PDZK1: variants seen among roughly 807,000 people sequenced by gnomAD.
The protein encoded by PDZK1 is PDZ domain containing 1, also known as Na(+)/H(+) exchange regulatory cofactor NHE-RF3.
A neutral mutation model predicts 38.1 loss-of-function variants in PDZK1; 23 were observed. The observed-to-expected ratio is 0.60, with a 90% confidence interval of 0.43 to 0.85. PDZK1 has a LOEUF of 0.85. PDZK1 is among the 40% of genes least tolerant of loss of function. The pLI, the probability that PDZK1 is intolerant of heterozygous loss-of-function variation, is 0.00. For synonymous variants in PDZK1, 98 were observed against 186.2 expected, an observed-to-expected ratio of 0.53 and a Z score of 3.86; for missense variants, 297 against 504.3, an observed-to-expected ratio of 0.59 and a Z score of 3.94.
chr1:145,680,686 A>G (rs1654157397), intron 5 of PDZK1, among the ~76,000 whole-genome samples: 1 of 143,256 alleles, frequency 7.0e-6, no homozygotes, highest in Admixed American at 7.4e-5. Context: ...CTAACTTACC[A>G]GGATACCGTT....
intron 1 of PDZK1, among the ~76,000 whole-genome samples, chr1:145,705,009 C>A (rs1326855454): frequency 1.3e-5 from 2 of 152,182 alleles, no homozygotes; most frequent in African/African-American, 4.8e-5. Context: ...GCTCAAGGGG[C>A]TGGTAATACA....
chr1:145,695,377 GTGCAC>G (rs1214402419), intron 1 of PDZK1, among the ~76,000 whole-genome samples: 1 of 152,008 alleles, frequency 6.6e-6, no homozygotes, highest in Non-Finnish European at 1.5e-5. Context: ...AGCCGAGACA[GTGCAC>G]TGAACTCCAG....
chr1:145,703,668 G>C (rs1553705298), intron 1 of PDZK1, among the ~76,000 whole-genome samples: 1 of 152,074 alleles, frequency 6.6e-6, no homozygotes, highest in African/African-American at 2.4e-5. Context: ...AGAAGGAACA[G>C]CAGGAGATGC....
intron 4 of PDZK1, among the ~76,000 whole-genome samples, chr1:145,681,953 T>A (rs1553700461): frequency 1.3e-5 from 1 of 74,916 alleles, no homozygotes; most frequent in African/African-American, 6.6e-5. Flanking sequence ...GCAGATCACT[T>A]GAGCTCAGGA....
intron 1 of PDZK1, among the ~76,000 whole-genome samples, chr1:145,697,442 AAAG>A (rs1655691673): frequency 6.6e-6 from 1 of 152,200 alleles, no homozygotes; most frequent in Admixed American, 6.5e-5. Flanking sequence ...ATCAAAACTA[AAAG>A]AAGAATTTTA....
Position 145,687,795 on chromosome 1 carries a change from C to T in PDZK1, c.210+17G>A, listed in dbSNP as rs373616461. On this transcript the variant is annotated intron_variant, in intron 2 of 8. Coordinates refer to ENST00000417171, the MANE Select transcript of PDZK1 (RefSeq NM_001201325.2). ...CTGAAGAGATCCTGGAAGAAAAGCC[C>T]CAAATGTCTCATTCACCTGCATATG... The T allele has an allele frequency of 1.5e-5, 24 of 1,591,916 alleles. 2 individuals carry two copies. Among genetic ancestry groups the T allele is most frequent in the South Asian group, 8.8e-5 (8 of 90,620 alleles).
At chr1:145,699,286 T>A (rs918224202) in intron 1 of PDZK1, among the ~76,000 whole-genome samples, 1 of 152,046 alleles carries the variant, frequency 6.6e-6, no homozygotes, top group Non-Finnish European at 1.5e-5. Flanking sequence ...GGCGTGGTTG[T>A]GCGTGCCTGT....
rs1653210496 is a variant in PDZK1, at chr1:145,672,736, T to C, written c.1500A>G (p.Lys500=). The C allele has an allele frequency of 1.9e-6, 3 of 1,611,818 alleles. No individual in the cohort carries two copies. The highest frequency in any genetic ancestry group is 3.3e-5 in the Admixed American group (2 of 59,980). The change falls in exon 8 of 9, where the codon AAA becomes AAG. Residue 500 remains lysine, a synonymous_variant. Coordinates refer to ENST00000417171, the MANE Select transcript of PDZK1 (RefSeq NM_001201325.2). ...GAAATAGGCCCCCACTCACCCGTTC[T>C]TTTGCCATGTGCGAGTCATGGTTTG... is the stretch of plus-strand genomic sequence containing the variant. ...VESNHDSHMA[K]ERAHSTASHS...
intron 1 of PDZK1, among the ~76,000 whole-genome samples, chr1:145,699,342 C>T (rs1230835194): frequency 2.6e-5 from 4 of 152,156 alleles, no homozygotes; most frequent in Admixed American, 6.6e-5. Context: ...CGCTTGAACC[C>T]GGGAGGTGGA....
chr1:145,681,433 C>G (rs1177458450), intron 4 of PDZK1, among the ~76,000 whole-genome samples: 1 of 149,368 alleles, frequency 6.7e-6, no homozygotes, highest in Non-Finnish European at 1.5e-5. Flanking sequence ...CAGGTGCCCG[C>G]CACCGCACCT....
At chr1:145,692,102 C>A (rs935432948) in intron 1 of PDZK1, among the ~76,000 whole-genome samples, 12 of 151,904 alleles carry the variant, frequency 7.9e-5, no homozygotes, top group African/African-American at 2.9e-4. Context: ...CATTAAATAC[C>A]CTTTAGAAGT....
At chr1:145,697,096 G>A (rs1379989252) in intron 1 of PDZK1, among the ~76,000 whole-genome samples, 1 of 152,220 alleles carries the variant, frequency 6.6e-6, no homozygotes, top group Non-Finnish European at 1.5e-5. Flanking sequence ...GGGAGGCCGA[G>A]GCGGGTAGAT....
chr1:145,671,687 A>G (rs1653065936), intron 8 of PDZK1, 198 bp from the exon 9 acceptor site: 1 of 551,622 alleles, frequency 1.8e-6, no homozygotes, highest in African/African-American at 1.9e-5. Flanking sequence ...GGGAACCCCC[A>G]GAAGAGCCTG....
intron 1 of PDZK1, among the ~76,000 whole-genome samples, chr1:145,692,572 A>G (rs1307483585): frequency 6.6e-6 from 1 of 151,898 alleles, no homozygotes; most frequent in Non-Finnish European, 1.5e-5. Flanking sequence ...TTAGCCAAGT[A>G]TGGTGGTGCA....
At chr1:145,684,076 A>T (rs1230892980) in intron 3 of PDZK1, among the ~76,000 whole-genome samples, 1 of 151,146 alleles carries the variant, frequency 6.6e-6, no homozygotes, top group Non-Finnish European at 1.5e-5. Flanking sequence ...CGAACTCCTG[A>T]CCTCAGGTAA....
chr1:145,691,833 A>T (rs777495057), intron 1 of PDZK1: 3 of 152,112 alleles, frequency 2.0e-5, no homozygotes, highest in African/African-American at 7.2e-5. Context: ...AAAACTGGAG[A>T]TGAAAGAAAG....
At chr1:145,697,763 ATTTTTTTTTTTTTTTTTTT>A (rs10564713) in intron 1 of PDZK1, among the ~76,000 whole-genome samples, 4 of 44,940 alleles carry the variant, frequency 8.9e-5, no homozygotes, top group East Asian at 6.6e-4. Context: ...TGCCCAGCTA[ATTTTTTTTTTTTTTTTTTT>A]TTTTTTTTTT....
intron 1 of PDZK1, among the ~76,000 whole-genome samples, chr1:145,689,513 G>A (rs781999676): frequency 6.6e-6 from 1 of 152,122 alleles, no homozygotes; most frequent in Non-Finnish European, 1.5e-5. Context: ...ATTATTAAGG[G>A]TAAGACTTCT....
intron 1 of PDZK1, among the ~76,000 whole-genome samples, chr1:145,701,331 T>C: frequency 6.6e-6 from 1 of 151,344 alleles, no homozygotes; most frequent in South Asian, 2.1e-4. Flanking sequence ...TTCTGTTTTG[T>C]TGAGGCATAA....
Sources: gnomAD v4.1 joint callset for allele counts (sites outside exome capture counted in the v4.1 genomes callset) on GRCh38, gnomAD v4.1.1 for gene constraint, MANE v1.5 for transcripts, NCBI Gene and HGNC (gene_info 2026-07-23, HGNC 2026-07-21) for gene names.